HDAC5: variants seen among roughly 807,000 people sequenced by gnomAD.
HDAC5 encodes histone deacetylase 5.
A neutral mutation model predicts 133.3 loss-of-function variants in HDAC5; 25 were observed. The ratio of observed to expected loss-of-function variants is 0.19; its 90% CI spans 0.14 to 0.26. HDAC5 has a LOEUF of 0.26. HDAC5 is among the 10% of genes least tolerant of loss of function. The pLI, the probability that HDAC5 is intolerant of heterozygous loss-of-function variation, is 1.00. For synonymous variants in HDAC5, 589 were observed against 610.8 expected (o/e 0.96, Z 0.53); for missense variants, 1,041 against 1,460.5 (o/e 0.71, Z 4.68).
chr17:44,108,008 T>G (rs1237680600), intron 3 of HDAC5, among the ~76,000 whole-genome samples: 4 of 152,162 alleles, frequency 2.6e-5, no homozygotes, highest in Non-Finnish European at 5.9e-5. Flanking sequence ...CCCACCTCTG[T>G]GTCCTTGAGA....
At chr17:44,089,154 G>A (rs1459509775) in intron 11 of HDAC5, among the ~76,000 whole-genome samples, 1 of 152,212 alleles carries the variant, frequency 6.6e-6, no homozygotes, top group Non-Finnish European at 1.5e-5. Context: ...ACTGAAATGT[G>A]ATATAAGTGT....
intron 1 of HDAC5, chr17:44,120,221 G>C (rs2052900987): frequency 6.6e-6 from 1 of 152,278 alleles, no homozygotes; most frequent in South Asian, 2.1e-4. Flanking sequence ...ACCCTGTAGA[G>C]ATCTTGTTCC....
At chr17:44,087,362 G>C (rs1226382455) in intron 13 of HDAC5, 50 bp downstream of exon 13, 2 of 723,202 alleles carry the variant, frequency 2.8e-6, no homozygotes, top group South Asian at 3.1e-5. Context: ...CAGGGGTGGA[G>C]AAGGACAGAG....
intron 1 of HDAC5, among the ~76,000 whole-genome samples, chr17:44,122,491 C>T (rs1045461369): frequency 1.3e-5 from 2 of 152,178 alleles, no homozygotes; most frequent in African/African-American, 4.8e-5. Flanking sequence ...TGGTCACTGA[C>T]TGAGTGATGG....
At chr17:44,099,748 AC>A (rs1259654713) in intron 3 of HDAC5, among the ~76,000 whole-genome samples, 1 of 152,158 alleles carries the variant, frequency 6.6e-6, no homozygotes, top group Admixed American at 6.5e-5. Flanking sequence ...TGCCAGGATT[AC>A]CAGCGTGAGC....
Position 44,117,548 on chromosome 17 carries a change from G to A in HDAC5, c.-33C>T. 1 of 1,612,950 alleles carries A rather than the reference G, an allele frequency of 6.2e-7. No homozygotes were observed. The highest frequency in any genetic ancestry group is 8.5e-7 in the Non-Finnish European group (1 of 1,179,868). ...CTGGGCCTGCAGGAAGCTGGCGTTG[G>A]GGGCTGGGACGGGAGGGGGTGGAGC... On this transcript the variant is annotated 5_prime_UTR_variant, in exon 2 of 27. Coordinates refer to ENST00000682912, the MANE Select transcript of HDAC5 (RefSeq NM_005474.5). This position sits in a 1 kb window ranked among gnomAD's most constrained non-coding sequence, Gnocchi z 4.2.
intron 3 of HDAC5, among the ~76,000 whole-genome samples, chr17:44,102,847 T>TA (rs1335896337): frequency 6.6e-6 from 1 of 151,956 alleles, no homozygotes; most frequent in Non-Finnish European, 1.5e-5. Context: ...TTTGTATTCT[T>TA]AGTAGAGACA....
At position 44,087,625 on chromosome 17, in the gene HDAC5, C is replaced by T. The variant is rs376825390; in HGVS notation, c.1671G>A (p.Thr557=). The T allele has an allele frequency of 4.6e-5, 75 of 1,613,638 alleles. No homozygotes were observed. The highest frequency in any genetic ancestry group is 1.0e-4 in the Admixed American group (6 of 59,984). ...THPEETEEEL[T]EQQEVLLGEG... is the part of the protein sequence containing the mutation. ...CCCCCAGCAAGACCTCCTGCTGCTC[C>T]GTCAGCTCCTCCTCTGTCTCCTCAG... The change falls in exon 13 of 27, where the codon ACG becomes ACA. Residue 557 remains threonine, a synonymous_variant. Coordinates refer to ENST00000682912, the MANE Select transcript of HDAC5 (RefSeq NM_005474.5).
chr17:44,119,045 G>GGGCTT (rs1315498908), intron 1 of HDAC5, among the ~76,000 whole-genome samples: 2 of 152,234 alleles, frequency 1.3e-5, no homozygotes, highest in Non-Finnish European at 2.9e-5. Flanking sequence ...TGGGACCACA[G>GGGCTT]GGCTTGGACT....
intron 8 of HDAC5, 31 bp from the exon 9 acceptor site, chr17:44,092,315 G>T (rs746010476): frequency 1.2e-6 from 2 of 1,613,160 alleles, no homozygotes; most frequent in Non-Finnish European, 8.5e-7. Context: ...ACCTGGGCCT[G>T]CTGTGAACTA....
intron 13 of HDAC5, among the ~76,000 whole-genome samples, 184 bp from the exon 14 acceptor site, chr17:44,086,921 TG>T (rs1289368648): frequency 3.6e-5 from 4 of 111,080 alleles, no homozygotes; most frequent in African/African-American, 1.4e-4. Context: ...TGGGGAGGGA[TG>T]GGGGAGATGT....
intron 15 of HDAC5, 66 bp from the exon 16 acceptor site, chr17:44,084,741 T>C (rs775023309): frequency 8.9e-5 from 141 of 1,576,080 alleles, no homozygotes; most frequent in Non-Finnish European, 1.1e-4. Context: ...CTCTGCCCCA[T>C]AGCCAGGGCA....
At chr17:44,085,315 C>A in intron 14 of HDAC5, 160 bp from the exon 15 acceptor site, 2 of 553,560 alleles carry the variant, frequency 3.6e-6, no homozygotes, top group South Asian at 4.3e-5. Context: ...CCTGCCCCCT[C>A]TCCTCTCCAG....
In HDAC5 at chr17:44,087,581, G is replaced by A; in HGVS notation, c.1715C>T (p.Pro572Leu). Residue 572 changes from proline to leucine, a missense_variant, in exon 13 of 27, where the codon CCC (proline) becomes CTC (leucine). Physicochemically the swap from Pro to Leu is moderately conservative, Grantham distance 98. Around this residue, in one of 9 missense-constraint regions of HDAC5, gnomAD observed 433 missense variants for 531.6 expected, o/e 0.81. Transcript: ENST00000682912. The stretch of plus-strand genomic sequence containing the variant: ...CTCACTCTCTGTGGAGCCCTCCCGG[G>A]GCATGGTCAGGGCTCCCTCCCCCAG... ...VLLGEGALTMPREGSTESEST... is the reference protein window; with the variant it reads ...VLLGEGALTMLREGSTESEST... 6.2e-7 allele frequency: 1 copy of A among 1,614,046 alleles called. No homozygotes were observed. The highest frequency in any genetic ancestry group is 8.5e-7 in the Non-Finnish European group (1 of 1,179,992).
At chr17:44,082,552 G>C (rs781493044) in intron 20 of HDAC5, 33 bp downstream of exon 20, 2 of 1,513,314 alleles carry the variant, frequency 1.3e-6, no homozygotes, top group Non-Finnish European at 1.8e-6. Flanking sequence ...AGCTCTACCC[G>C]CCCCTGCCCA....
intron 11 of HDAC5, among the ~76,000 whole-genome samples, chr17:44,090,160 G>A (rs2053399437): frequency 1.3e-5 from 2 of 151,616 alleles, no homozygotes; most frequent in Admixed American, 6.6e-5. Context: ...TTGAACCCGG[G>A]AGGCAGAGGT....
chr17:44,087,132 C>G (rs986168819), intron 13 of HDAC5, among the ~76,000 whole-genome samples: 2 of 151,490 alleles, frequency 1.3e-5, no homozygotes, highest in African/African-American at 4.9e-5. Flanking sequence ...CAGGGACCGA[C>G]GCATGCATAC....
chr17:44,091,281 G>A lies in HDAC5; in HGVS notation c.1376C>T (p.Thr459Ile), dbSNP rs2050935204. ...LLLEQARQQS[T>I]LIAVPLHGQS... ...ACCTGTCCACTCACCAGCAATGAGG[G>A]TGCTCTGCTGCCGGGCCTGCTCCAG... Residue 459 changes from threonine (T) to isoleucine (I), a missense_variant, in exon 11 of 27, where the codon ACC (threonine) becomes ATC (isoleucine). Around this residue, in one of 9 missense-constraint regions of HDAC5, gnomAD observed 433 missense variants for 531.6 expected, o/e 0.81. Coordinates refer to ENST00000682912, the MANE Select transcript of HDAC5 (RefSeq NM_005474.5). The A allele has an allele frequency of 1.2e-6, 2 of 1,610,612 alleles. No individual in the cohort carries two copies. Among genetic ancestry groups the A allele is most frequent in the Non-Finnish European group, 1.7e-6 (2 of 1,178,950 alleles).
intron 10 of HDAC5, 92 bp from the exon 11 acceptor site, chr17:44,091,584 G>A: frequency 1.3e-6 from 2 of 1,485,952 alleles, no homozygotes; most frequent in Non-Finnish European, 1.8e-6. Flanking sequence ...CCCAAGCTCT[G>A]GGTAGGGCCA....
Sources: allele counts gnomAD v4.1 joint callset (sites outside exome capture counted in the v4.1 genomes callset), GRCh38; gene constraint gnomAD v4.1.1; regional missense constraint gnomAD v4.1.1; non-coding constraint Gnocchi (gnomAD v3.1); transcripts MANE v1.5; gene names NCBI Gene and HGNC (gene_info 2026-07-23, HGNC 2026-07-21).